ANO1: variants seen among roughly 807,000 people sequenced by gnomAD.
ANO1 encodes the protein anoctamin 1, also known as anoctamin-1.
In ANO1, 59 loss-of-function variants were observed where a neutral mutation model predicts 124.0. That is an observed-to-expected ratio of 0.48 (90% CI 0.39 to 0.59). The LOEUF (loss-of-function observed/expected upper bound fraction) is 0.59, where lower values mean the gene tolerates loss of function less well. Among genes scored for constraint, ANO1 ranks in the 20% least tolerant of loss-of-function variants. The pLI, the probability that ANO1 is intolerant of heterozygous loss-of-function variation, is 0.00. For synonymous variants in ANO1, 529 were observed against 532.0 expected (o/e 0.99, Z 0.08); for missense variants, 1,059 against 1,328.0 (o/e 0.80, Z 3.15).
At chr11:70,004,537 G>C (rs1248535993) in intron 1 of ANO1, among the ~76,000 whole-genome samples, 1 of 152,180 alleles carries the variant, frequency 6.6e-6, no homozygotes, top group Non-Finnish European at 1.5e-5. Flanking sequence ...GGAACACAGG[G>C]TTCCAGGCCA....
At chr11:69,990,280 C>G (rs1856128558) in intron 1 of ANO1, among the ~76,000 whole-genome samples, 1 of 152,122 alleles carries the variant, frequency 6.6e-6, no homozygotes, top group East Asian at 1.9e-4. Flanking sequence ...TGGCTTCTTT[C>G]ACTTGGTATG....
intron 1 of ANO1, among the ~76,000 whole-genome samples, chr11:70,058,947 G>T (rs1405190091): frequency 6.6e-6 from 1 of 152,088 alleles, no homozygotes; most frequent in Non-Finnish European, 1.5e-5. Flanking sequence ...ACTTTGGGAG[G>T]CTGAGGCGGG....
At chr11:70,062,815 A>G (rs1362848176) in intron 1 of ANO1, among the ~76,000 whole-genome samples, 3 of 152,228 alleles carry the variant, frequency 2.0e-5, no homozygotes, top group Admixed American at 6.5e-5. Flanking sequence ...AGCAGTGACT[A>G]TCTAGACGAG....
At chr11:70,006,617 CTTTCTTTCTTCTTTCT>C (rs1294298546) in intron 1 of ANO1, among the ~76,000 whole-genome samples, 10 of 144,342 alleles carry the variant, frequency 6.9e-5, no homozygotes, top group Non-Finnish European at 1.4e-4. Context: ...CTTTCTCTTT[CTTTCTTTCTTCTTTCT>C]TTTCTTTCTT....
chr11:70,006,889 C>T (rs1028249655), intron 1 of ANO1, among the ~76,000 whole-genome samples: 12 of 151,916 alleles, frequency 7.9e-5, no homozygotes, highest in African/African-American at 2.4e-4. Flanking sequence ...AGGCTGGTCT[C>T]GAACTCCTGA....
intron 1 of ANO1, among the ~76,000 whole-genome samples, chr11:69,990,250 A>C (rs2120296006): frequency 6.6e-6 from 1 of 152,294 alleles, no homozygotes; most frequent in African/African-American, 2.4e-5. Context: ...GGTATCACAA[A>C]ATATTTGTCC....
upstream of ANO1, among the ~76,000 whole-genome samples, chr11:70,077,604 G>A (rs1386631741): frequency 4.6e-5 from 7 of 152,202 alleles, no homozygotes; most frequent in African/African-American, 1.7e-4. Context: ...CCAGAAAGCA[G>A]GACAGCCTTG....
Position 70,137,214 on chromosome 11 carries a change from T to G in ANO1, c.1258+5135T>G, listed in dbSNP as rs1183959365. Reference sequence around the variant, plus strand: ...GCACACGTGCCAGAGCTCCCGTTGTTTATCACACTGTATCCGAACAGCGGA... The same window carrying G: ...GCACACGTGCCAGAGCTCCCGTTGTGTATCACACTGTATCCGAACAGCGGA... On this transcript the variant is annotated intron_variant, in intron 11 of 25. Transcript: ENST00000355303. Among the ~76,000 whole-genome samples, 7 of 146,694 alleles carry G rather than the reference T, an allele frequency of 4.8e-5. 1 individual carries two copies. The highest frequency in any genetic ancestry group is 1.4e-4 in the Admixed American group (2 of 13,808).
intron 25 of ANO1, among the ~76,000 whole-genome samples, chr11:70,187,459 C>T (rs1203801178): frequency 1.3e-5 from 2 of 152,162 alleles, no homozygotes; most frequent in Admixed American, 1.3e-4. Context: ...TCCATCAGGT[C>T]ACTTCCTGAG....
chr11:70,068,399 A>G (rs1857786134), intron 1 of ANO1, among the ~76,000 whole-genome samples: 1 of 152,354 alleles, frequency 6.6e-6, no homozygotes, highest in Non-Finnish European at 1.5e-5. Context: ...GATACTTTGC[A>G]TACCTACTGT....
chr11:70,065,615 T>G (rs1857697467), intron 1 of ANO1, among the ~76,000 whole-genome samples: 1 of 150,988 alleles, frequency 6.6e-6, no homozygotes. Flanking sequence ...CAACTTCCTC[T>G]CTGCCCTTGT....
At chr11:69,988,379 T>A (rs1856089802) in intron 1 of ANO1, among the ~76,000 whole-genome samples, 1 of 152,186 alleles carries the variant, frequency 6.6e-6, no homozygotes, top group African/African-American at 2.4e-5. Context: ...TCGGCCAACT[T>A]ACTTAACCAC....
intron 22 of ANO1, among the ~76,000 whole-genome samples, chr11:70,175,664 G>A (rs777416890): frequency 3.3e-5 from 5 of 152,230 alleles, no homozygotes; most frequent in Admixed American, 2.0e-4. Context: ...CAGCTCCCGG[G>A]CACTGCATGT....
intron 22 of ANO1, among the ~76,000 whole-genome samples, chr11:70,172,119 T>TAAAAAAAAAAAAAA (rs367908728): frequency 8.3e-6 from 1 of 120,500 alleles, no homozygotes; most frequent in African/African-American, 3.1e-5. Context: ...GAACCTGTCT[T>TAAAAAAAAAAAAAA]AAAAAAAAAA....
chr11:69,993,434 A>AG (rs1175149608), intron 1 of ANO1, among the ~76,000 whole-genome samples: 1 of 152,216 alleles, frequency 6.6e-6, no homozygotes, highest in African/African-American at 2.4e-5. Flanking sequence ...GACCATCAAC[A>AG]GCTGGATATT....
At chr11:70,172,879 T>G (rs1358604059) in intron 22 of ANO1, among the ~76,000 whole-genome samples, 1 of 151,046 alleles carries the variant, frequency 6.6e-6, no homozygotes, top group African/African-American at 2.4e-5. Flanking sequence ...AAAAAAAAAA[T>G]GTGGGAAGCT....
At chr11:70,171,241 C>A (rs897147755) in intron 22 of ANO1, among the ~76,000 whole-genome samples, 1 of 152,192 alleles carries the variant, frequency 6.6e-6, no homozygotes, top group East Asian at 1.9e-4. Flanking sequence ...CCCTTCCCCT[C>A]CCAAGATGCC....
intron 18 of ANO1, 112 bp downstream of exon 18, chr11:70,161,845 G>A (rs1288702771): frequency 2.0e-6 from 2 of 1,000,318 alleles, no homozygotes; most frequent in Non-Finnish European, 3.1e-6. Context: ...AGACACCGTG[G>A]CACCCGCAGC....
intron 1 of ANO1, among the ~76,000 whole-genome samples, chr11:70,007,864 T>A (rs1358350499): frequency 1.3e-5 from 2 of 152,224 alleles, no homozygotes; most frequent in Admixed American, 1.3e-4. Context: ...CCACCTCTAG[T>A]ACACAAATGT....
Sources: allele counts gnomAD v4.1 joint callset (sites outside exome capture counted in the v4.1 genomes callset), GRCh38; gene constraint gnomAD v4.1.1; transcripts MANE v1.5; gene names NCBI Gene and HGNC (gene_info 2026-07-23, HGNC 2026-07-21).